BRIP1: variants seen among roughly 807,000 people sequenced by gnomAD.
BRIP1 encodes Fanconi anemia group J protein.
BRIP1 carries 88 observed loss-of-function variants against 119.7 expected under a neutral mutation model. That is an observed-to-expected ratio of 0.74 (90% CI 0.62 to 0.88). BRIP1 has a LOEUF of 0.88. BRIP1 is among the 40% of genes least tolerant of loss of function. BRIP1 has a pLI of 0.00. For synonymous variants in BRIP1, 443 were observed against 496.5 expected (o/e 0.89, Z 1.43); for missense variants, 1,259 against 1,455.4 (o/e 0.87, Z 2.20).
rs111374831 is a variant in BRIP1 at position 61,851,482 on chromosome 17, A to G, written c.380-2226T>C. ...TAGGGCTCCAATTTCAATTTTTTCC[A>G]TATGGACATCTAACAGGCCTAGCAC... On this transcript the variant is annotated intron_variant, in intron 4 of 19. Transcript: ENST00000259008. This position sits in a 1 kb window ranked among gnomAD's most constrained non-coding sequence, Gnocchi z 4.6. Among the ~76,000 whole-genome samples the G allele has an allele frequency of 6.6e-6, 1 of 152,072 alleles. No homozygotes were observed. The highest frequency in any genetic ancestry group is 1.5e-5 in the Non-Finnish European group (1 of 67,996).
rs140914607 is a variant in BRIP1, at chr17:61,804,479, T to C, written c.919-3005A>G. Among the ~76,000 whole-genome samples the C allele has an allele frequency of 1.5e-3, 234 of 151,170 alleles. 1 individual carries two copies. The highest frequency in any genetic ancestry group is 5.6e-3 in the African/African-American group (230 of 41,238). On this transcript the variant is annotated intron_variant, in intron 7 of 19. Transcript: ENST00000259008. The surrounding 1 kb of genome is among the most constrained non-coding windows in gnomAD (Gnocchi z 4.5). ...GTGTACATACACATACATATATACA[T>C]ATGGGTTCAAGCACTTCTCATGCCT...
rs1461898773 is a variant in BRIP1 at position 61,846,535 on chromosome 17, C to T, written c.627+566G>A. 2.0e-5 allele frequency among the ~76,000 whole-genome samples: 3 copies of T among 151,974 alleles called. No homozygotes were observed. Among genetic ancestry groups the T allele is most frequent in the Non-Finnish European group, 4.4e-5 (3 of 67,996 alleles). ...CCAAGTAGCTGGGACTACAAGTGTG[C>T]ACCACAACACCCGGCTAATTTTTGT... On this transcript the variant is annotated intron_variant, in intron 6 of 19. Transcript: ENST00000259008. The surrounding 1 kb of genome is among the most constrained non-coding windows in gnomAD (Gnocchi z 4.3).
At position 61,815,991 on chromosome 17, in the gene BRIP1, CT is replaced by C. The variant is rs888802533; in HGVS notation, c.628-7235del. Among the ~76,000 whole-genome samples, 15 of 152,274 alleles carry C rather than the reference CT, an allele frequency of 9.9e-5. No homozygotes were observed. The South Asian group carries it at 1.4e-3, about 15-fold the overall frequency. On this transcript the variant is annotated intron_variant, in intron 6 of 19. Transcript: ENST00000259008. The surrounding 1 kb of genome is among the most constrained non-coding windows in gnomAD (Gnocchi z 4.1). ...GATAGCAAAAGTAACATAACTATAC[CT>C]TTTCAACTATTCTTTTTTTAAAAAT...
At chr17:61,790,874 GC>G (rs2077806238) in intron 10 of BRIP1, among the ~76,000 whole-genome samples, 1 of 151,940 alleles carries the variant, frequency 6.6e-6, no homozygotes, top group African/African-American at 2.4e-5. Flanking sequence ...CAATCCGCCA[GC>G]CTCAGCCTGT....
At position 61,751,725 on chromosome 17, in the gene BRIP1, C is replaced by T. The variant is rs537439699; in HGVS notation, c.2098-7134G>A. Among the ~76,000 whole-genome samples the T allele has an allele frequency of 6.6e-6, 1 of 151,762 alleles. No homozygotes were observed. Among genetic ancestry groups the T allele is most frequent in the South Asian group, 2.1e-4 (1 of 4,816 alleles). On this transcript the variant is annotated intron_variant, in intron 14 of 19. Transcript: ENST00000259008. This position sits in a 1 kb window ranked among gnomAD's most constrained non-coding sequence, Gnocchi z 6.7. ...ATATAACTTTAAAAAACTCATGAAA[C>T]TAATACCTTTAGCTTTAGGGGGATA...
At position 61,734,453 on chromosome 17, in the gene BRIP1, G is replaced by A. The variant is rs556826334; in HGVS notation, c.2379+8560C>T. 6.6e-6 allele frequency among the ~76,000 whole-genome samples: 1 copy of A among 152,240 alleles called. No homozygotes were observed. Among genetic ancestry groups the A allele is most frequent in the South Asian group, 2.1e-4 (1 of 4,824 alleles). On this transcript the variant is annotated intron_variant, in intron 16 of 19. Coordinates refer to ENST00000259008, the MANE Select transcript of BRIP1 (RefSeq NM_032043.3). This position sits in a 1 kb window ranked among gnomAD's most constrained non-coding sequence, Gnocchi z 5.2. ...TGAATGATCAGAAGCATCTGGGAAA[G>A]GTGGAAGTGAAAAAAATCCTCACTG...
rs1286528472 is a variant in BRIP1, at chr17:61,841,149, T to C, written c.627+5952A>G. On this transcript the variant is annotated intron_variant, in intron 6 of 19. Transcript: ENST00000259008. This position sits in a 1 kb window ranked among gnomAD's most constrained non-coding sequence, Gnocchi z 4.1. ...ACATAGGGCAAAAGCTTCAGGACAC[T>C]GATCTAGGCAGATTTTATGGGTAAG... is the stretch of plus-strand genomic sequence containing the variant. 1.3e-5 allele frequency among the ~76,000 whole-genome samples: 2 copies of C among 152,134 alleles called. No individual in the cohort carries two copies. The highest frequency in any genetic ancestry group is 2.9e-5 in the Non-Finnish European group (2 of 68,012).
chr17:61,770,545 G>T lies in BRIP1; in HGVS notation c.2097+5856C>A, dbSNP rs940989689. Among the ~76,000 whole-genome samples the T allele has an allele frequency of 6.6e-6, 1 of 151,842 alleles. No homozygotes were observed. The highest frequency in any genetic ancestry group is 6.6e-5 in the Admixed American group (1 of 15,262). On this transcript the variant is annotated intron_variant, in intron 14 of 19. Transcript: ENST00000259008. This position sits in a 1 kb window ranked among gnomAD's most constrained non-coding sequence, Gnocchi z 4.7. ...TCTGATTTGAAAGTCAGTTGCAAAA[G>T]GTAATAATTGTAAATCTGTGTTGAG...
At position 61,831,260 on chromosome 17, in the gene BRIP1, G is replaced by A. The variant is rs2078488613; in HGVS notation, c.627+15841C>T. Reference sequence around the variant, plus strand: ...CATCACTCTAATTCAGCCTTGTACTGCATGAAAGGTAAACACTGTAAAGGA... The same window carrying A: ...CATCACTCTAATTCAGCCTTGTACTACATGAAAGGTAAACACTGTAAAGGA... On this transcript the variant is annotated intron_variant, in intron 6 of 19. Coordinates refer to ENST00000259008, the MANE Select transcript of BRIP1 (RefSeq NM_032043.3). The surrounding 1 kb of genome is among the most constrained non-coding windows in gnomAD (Gnocchi z 4.1). 6.6e-6 allele frequency among the ~76,000 whole-genome samples: 1 copy of A among 152,132 alleles called. No homozygotes were observed. The highest frequency in any genetic ancestry group is 2.1e-4 in the South Asian group (1 of 4,826).
At chr17:61,732,654 A>G (rs1254242552) in intron 16 of BRIP1, among the ~76,000 whole-genome samples, 1 of 152,180 alleles carries the variant, frequency 6.6e-6, no homozygotes, top group Non-Finnish European at 1.5e-5. Flanking sequence ...AGTTTGTTAA[A>G]TGAATGAATA....
rs748719872 is a variant in BRIP1, at chr17:61,778,611, A to G, written c.1935+1650T>C. Among the ~76,000 whole-genome samples, 2 of 152,240 alleles carry G rather than the reference A, an allele frequency of 1.3e-5. No homozygotes were observed. The highest frequency in any genetic ancestry group is 2.9e-5 in the Non-Finnish European group (2 of 68,046). On this transcript the variant is annotated intron_variant, in intron 13 of 19. Coordinates refer to ENST00000259008, the MANE Select transcript of BRIP1 (RefSeq NM_032043.3). The surrounding 1 kb of genome is among the most constrained non-coding windows in gnomAD (Gnocchi z 4.4). ...TTATAGGTTAAATGGACTTTTGTGC[A>G]GTAGGCTGAGAACATAGAGCCTGTA...
In BRIP1 at chr17:61,701,180, T is replaced by A. The variant is rs1367928773; in HGVS notation, c.2493-7668A>T. 6.6e-6 allele frequency among the ~76,000 whole-genome samples: 1 copy of A among 152,192 alleles called. No homozygotes were observed. The highest frequency in any genetic ancestry group is 2.4e-5 in the African/African-American group (1 of 41,460). On this transcript the variant is annotated intron_variant, in intron 17 of 19. Transcript: ENST00000259008. This position sits in a 1 kb window ranked among gnomAD's most constrained non-coding sequence, Gnocchi z 5.1. Reference sequence around the variant, plus strand: ...TTCCTCAGGGAGAGTTTCTATTATTTTTTTCTCTTAGTTATACTTTCTTTG... The same window carrying A: ...TTCCTCAGGGAGAGTTTCTATTATTATTTTCTCTTAGTTATACTTTCTTTG...
chr17:61,745,669 G>A lies in BRIP1; in HGVS notation c.2098-1078C>T, dbSNP rs2144712942. Among the ~76,000 whole-genome samples, 1 of 152,204 alleles carries A rather than the reference G, an allele frequency of 6.6e-6. No individual in the cohort carries two copies. The highest frequency in any genetic ancestry group is 1.5e-5 in the Non-Finnish European group (1 of 68,012). On this transcript the variant is annotated intron_variant, in intron 14 of 19. Coordinates refer to ENST00000259008, the MANE Select transcript of BRIP1 (RefSeq NM_032043.3). The surrounding 1 kb of genome is among the most constrained non-coding windows in gnomAD (Gnocchi z 4.4). ...CAGGTGTGAACCAACACACGTGGCT[G>A]TAAAACTCATATTCTTAAAAACCAT...
rs533999110 is a variant in BRIP1, at chr17:61,690,481, G to T, written c.2575+2949C>A. On this transcript the variant is annotated intron_variant, in intron 18 of 19. Transcript: ENST00000259008. The surrounding 1 kb of genome is among the most constrained non-coding windows in gnomAD (Gnocchi z 5.6). ...TTATACAACTGAAATGAATTTGTTA[G>T]CTGAAAATATTGTTATAACTATGTT... is the stretch of plus-strand genomic sequence containing the variant. 2.6e-5 allele frequency among the ~76,000 whole-genome samples: 4 copies of T among 152,258 alleles called. No individual in the cohort carries two copies. Among genetic ancestry groups the T allele is most frequent in the African/African-American group, 9.6e-5 (4 of 41,566 alleles).
rs2061417093 is a variant in BRIP1, at chr17:61,689,552, G to C, written c.2576-3387C>G. ...GAAAACTTAATAAACCTGGGGGGAGGAAAATGACATCCAAATACATGAAGC... is the reference window on the plus strand; with the variant it reads ...GAAAACTTAATAAACCTGGGGGGAGCAAAATGACATCCAAATACATGAAGC... On this transcript the variant is annotated intron_variant, in intron 18 of 19. Coordinates refer to ENST00000259008, the MANE Select transcript of BRIP1 (RefSeq NM_032043.3). This position sits in a 1 kb window ranked among gnomAD's most constrained non-coding sequence, Gnocchi z 4.5. Among the ~76,000 whole-genome samples, 1 of 151,984 alleles carries C rather than the reference G, an allele frequency of 6.6e-6. No individual in the cohort carries two copies. Among genetic ancestry groups the C allele is most frequent in the East Asian group, 1.9e-4 (1 of 5,196 alleles).
In BRIP1 at chr17:61,861,662, TGGAA is replaced by T. The variant is rs2078975836; in HGVS notation, c.-30-97_-30-94del. 2 of 723,744 alleles carry T rather than the reference TGGAA, an allele frequency of 2.8e-6. No homozygotes were observed. Among genetic ancestry groups the T allele is most frequent in the Admixed American group, 2.2e-5 (1 of 45,738 alleles). 44.8% of individuals were successfully genotyped at this position (723,744 alleles called of 1,614,324 possible). ...AAGGGAGAAATCTGGAAACAGAAAC[TGGAA>T]TTAATAAAAGTATAAACAAAACAAA... On this transcript the variant is annotated intron_variant, in intron 1 of 19. Transcript: ENST00000259008. This position sits in a 1 kb window ranked among gnomAD's most constrained non-coding sequence, Gnocchi z 4.5.
In BRIP1 at chr17:61,845,239, C is replaced by A. The variant is rs1423606262; in HGVS notation, c.627+1862G>T. On this transcript the variant is annotated intron_variant, in intron 6 of 19. Coordinates refer to ENST00000259008, the MANE Select transcript of BRIP1 (RefSeq NM_032043.3). This position sits in a 1 kb window ranked among gnomAD's most constrained non-coding sequence, Gnocchi z 4.2. Reference sequence around the variant, plus strand: ...TAATATAAAGCTTCAGTGAAGATCACCAACAAAACACAAATTAAATGTACA... The same window carrying A: ...TAATATAAAGCTTCAGTGAAGATCAACAACAAAACACAAATTAAATGTACA... Among the ~76,000 whole-genome samples, 1 of 152,128 alleles carries A rather than the reference C, an allele frequency of 6.6e-6. No homozygotes were observed. Among genetic ancestry groups the A allele is most frequent in the African/African-American group, 2.4e-5 (1 of 41,428 alleles).
rs2076964964 is a variant in BRIP1 at position 61,739,898 on chromosome 17, T to A, written c.2379+3115A>T. Among the ~76,000 whole-genome samples, 1 of 152,158 alleles carries A rather than the reference T, an allele frequency of 6.6e-6. No individual in the cohort carries two copies. The highest frequency in any genetic ancestry group is 6.5e-5 in the Admixed American group (1 of 15,270). ...TACTATAGTTTTTCAAATATATTGTTTAGGAAACAGTCAGTGATAATGAGA... is the reference window on the plus strand; with the variant it reads ...TACTATAGTTTTTCAAATATATTGTATAGGAAACAGTCAGTGATAATGAGA... On this transcript the variant is annotated intron_variant, in intron 16 of 19. Coordinates refer to ENST00000259008, the MANE Select transcript of BRIP1 (RefSeq NM_032043.3). This position sits in a 1 kb window ranked among gnomAD's most constrained non-coding sequence, Gnocchi z 6.0.
chr17:61,719,442 C>T (rs997477203), intron 16 of BRIP1, among the ~76,000 whole-genome samples: 3 of 151,910 alleles, frequency 2.0e-5, no homozygotes, highest in Admixed American at 6.6e-5. Flanking sequence ...ATGTTAATCT[C>T]GGCCAGGCAC....
Sources: allele counts gnomAD v4.1 joint callset (sites outside exome capture counted in the v4.1 genomes callset), GRCh38; gene constraint gnomAD v4.1.1; non-coding constraint Gnocchi (gnomAD v3.1); transcripts MANE v1.5; gene names NCBI Gene and HGNC (gene_info 2026-07-23, HGNC 2026-07-21).